AP3D1: variants seen among roughly 807,000 people sequenced by gnomAD.
AP3D1 encodes adaptor related protein complex 3 subunit delta 1.
A neutral mutation model predicts 147.6 loss-of-function variants in AP3D1; 51 were observed. The observed-to-expected ratio is 0.35, with a 90% confidence interval of 0.28 to 0.44. AP3D1 has a LOEUF of 0.44. Ranked by LOEUF, AP3D1 falls within the 20% of genes least tolerant of loss-of-function variation. The probability of loss-of-function intolerance (pLI) is 1.00; values close to 1 mark genes in which losing one functional copy is unlikely to be tolerated. For missense variants in AP3D1, 1,421 were observed against 1,624.2 expected, an observed-to-expected ratio of 0.87 and a Z score of 2.15; for synonymous variants, 760 against 663.0, an observed-to-expected ratio of 1.15 and a Z score of -2.25.
At chr19:2,123,710 G>A (rs1423355177) in intron 10 of AP3D1, 120 bp downstream of exon 10, 1 of 1,264,654 alleles carries the variant, frequency 7.9e-7, no homozygotes, top group Middle Eastern at 1.9e-4. Flanking sequence ...GCCCTCCCAA[G>A]CCGCAAGATG....
chr19:2,122,405 G>A (rs2018636707), intron 11 of AP3D1, among the ~76,000 whole-genome samples: 1 of 152,196 alleles, frequency 6.6e-6, no homozygotes, highest in African/African-American at 2.4e-5. Context: ...GCCATCCACG[G>A]TGGCTTTCAG....
intron 1 of AP3D1, 118 bp from the exon 2 acceptor site, chr19:2,138,832 C>T: frequency 1.4e-6 from 1 of 698,026 alleles, no homozygotes; most frequent in Admixed American, 2.0e-5. Context: ...GAGGCCGAGG[C>T]AGGCAGATCA....
intron 31 of AP3D1, among the ~76,000 whole-genome samples, chr19:2,107,011 C>A (rs1465433156): frequency 6.6e-6 from 1 of 152,142 alleles, no homozygotes; most frequent in African/African-American, 2.4e-5. Flanking sequence ...CACCTGTAAT[C>A]CCAGCACTTT....
chr19:2,136,989 G>A (rs1568301837), intron 4 of AP3D1, 22 bp downstream of exon 4: 1 of 1,566,472 alleles, frequency 6.4e-7, no homozygotes, highest in South Asian at 1.2e-5. Context: ...GCACAGAGCG[G>A]CCCCGGCCCG....
chr19:2,160,260 G>T (rs12971884), intron 1 of AP3D1, among the ~76,000 whole-genome samples: 43,396 of 152,020 alleles, frequency 0.29, 7,705 homozygotes, highest in Non-Finnish European at 0.41. Flanking sequence ...AGGTGTGGTG[G>T]CTCAAGCCTG....
At chr19:2,147,062 C>T (rs904056713) in intron 1 of AP3D1, among the ~76,000 whole-genome samples, 7 of 142,318 alleles carry the variant, frequency 4.9e-5, no homozygotes, top group Admixed American at 7.2e-5. Context: ...CCGCTCAGTT[C>T]GGCTGGGCGT....
intron 1 of AP3D1, among the ~76,000 whole-genome samples, chr19:2,139,772 A>G (rs1260144584): frequency 6.6e-6 from 1 of 152,130 alleles, no homozygotes; most frequent in East Asian, 1.9e-4. Context: ...TCGGGATGCA[A>G]TGTTCCTCCT....
chr19:2,139,028 C>T (rs570428264), intron 1 of AP3D1, among the ~76,000 whole-genome samples: 72 of 134,928 alleles, frequency 5.3e-4, no homozygotes, highest in Middle Eastern at 9.2e-3. Context: ...CCACTGCATT[C>T]CAGCCCAGGT....
chr19:2,122,661 A>T (rs1349639004), intron 11 of AP3D1, among the ~76,000 whole-genome samples: 1 of 152,214 alleles, frequency 6.6e-6, no homozygotes, highest in Non-Finnish European at 1.5e-5. Flanking sequence ...ACCATAAAAC[A>T]CGGTCACGAA....
At chr19:2,102,935 G>A (rs960152508) in intron 31 of AP3D1, among the ~76,000 whole-genome samples, 17 of 151,772 alleles carry the variant, frequency 1.1e-4, no homozygotes, top group East Asian at 1.9e-4. Context: ...GGCAACAAGA[G>A]CAAAACTCCA....
At chr19:2,146,804 G>C (rs1296799829) in intron 1 of AP3D1, among the ~76,000 whole-genome samples, 1 of 152,076 alleles carries the variant, frequency 6.6e-6, no homozygotes, top group Non-Finnish European at 1.5e-5. Context: ...TTACCATCAA[G>C]GGGGGTCAGG....
intron 31 of AP3D1, among the ~76,000 whole-genome samples, chr19:2,106,604 T>G (rs560133613): frequency 6.6e-6 from 1 of 152,244 alleles, no homozygotes; most frequent in Non-Finnish European, 1.5e-5. Flanking sequence ...CAACAGTTAT[T>G]TGTTTAACAA....
Position 2,138,226 on chromosome 19 carries a change from C to A in AP3D1, c.192+393G>T, listed in dbSNP as rs114507356. Among the ~76,000 whole-genome samples the A allele has an allele frequency of 2.4e-3, 367 of 152,286 alleles. 1 individual carries two copies. The highest frequency in any genetic ancestry group is 8.3e-3 in the African/African-American group (346 of 41,562). ...GGAGTGCCTGTCCCCAGCTCACGCA[C>A]TGACCTGGAACTGCAGCCAGGAAAG... On this transcript the variant is annotated intron_variant, in intron 2 of 31. Transcript: ENST00000643116.
At chr19:2,107,876 C>T (rs993528876) in intron 31 of AP3D1, among the ~76,000 whole-genome samples, 8 of 152,172 alleles carry the variant, frequency 5.3e-5, no homozygotes, top group Non-Finnish European at 1.0e-4. Context: ...CGGCACGCAC[C>T]GCCACGCGTC....
At chr19:2,139,013 T>A (rs1282174210) in intron 1 of AP3D1, among the ~76,000 whole-genome samples, 1 of 127,670 alleles carries the variant, frequency 7.8e-6, no homozygotes, top group Non-Finnish European at 1.5e-5. Context: ...TGAGCCAAGA[T>A]GACACCACTG....
At position 2,110,118 on chromosome 19, in the gene AP3D1, A is replaced by T; in HGVS notation, c.3264+18T>A. The T allele has an allele frequency of 6.2e-7, 1 of 1,610,348 alleles. No homozygotes were observed. The highest frequency in any genetic ancestry group is 1.3e-5 in the African/African-American group (1 of 74,948). ...CCTGCAGAGTCGGCTCTTCAACGCCAAGTGGAGCCCTGCATACCTTGGCAA... is the reference window on the plus strand; with the variant it reads ...CCTGCAGAGTCGGCTCTTCAACGCCTAGTGGAGCCCTGCATACCTTGGCAA... On this transcript the variant is annotated intron_variant, in intron 28 of 31. Transcript: ENST00000643116.
chr19:2,143,230 ATTTTTTTTTTTTTT>A (rs776434810), intron 1 of AP3D1, among the ~76,000 whole-genome samples: 27 of 74,344 alleles, frequency 3.6e-4, no homozygotes, highest in Middle Eastern at 9.1e-3. Flanking sequence ...TGCCTGCCTA[ATTTTTTTTTTTTTT>A]TTTTTTTTTT....
chr19:2,103,144 C>A (rs535659417), intron 31 of AP3D1, among the ~76,000 whole-genome samples: 9 of 152,050 alleles, frequency 5.9e-5, no homozygotes, highest in African/African-American at 2.2e-4. Flanking sequence ...AAAAAACAAA[C>A]AAAAAAACAC....
intron 5 of AP3D1, among the ~76,000 whole-genome samples, chr19:2,131,647 T>A (rs1417598047): frequency 8.3e-6 from 1 of 120,350 alleles, no homozygotes; most frequent in African/African-American, 3.6e-5. Context: ...TCTAGACACC[T>A]CCAGGCGGAC....
Sources: gnomAD v4.1 joint callset for allele counts (sites outside exome capture counted in the v4.1 genomes callset) on GRCh38, gnomAD v4.1.1 for gene constraint, MANE v1.5 for transcripts, NCBI Gene and HGNC (gene_info 2026-07-23, HGNC 2026-07-21) for gene names.